Variants in AGAP1 observed in about 807,000 individuals in gnomAD.
The protein encoded by AGAP1 is arf-GAP with GTPase, ANK repeat and PH domain-containing protein 1.
A neutral mutation model predicts 105.3 loss-of-function variants in AGAP1; 29 were observed. The observed-to-expected ratio is 0.28, with a 90% confidence interval of 0.21 to 0.38. AGAP1 has a LOEUF of 0.38. AGAP1 is among the 10% of genes least tolerant of loss of function. The pLI is 1.00. For missense variants in AGAP1, 998 were observed against 1,165.1 expected (o/e 0.86, Z 2.09); for synonymous variants, 509 against 485.9 (o/e 1.05, Z -0.63).
chr2:235,757,887 C>T (rs965228461), intron 6 of AGAP1, among the ~76,000 whole-genome samples: 12 of 152,152 alleles, frequency 7.9e-5, no homozygotes, highest in African/African-American at 1.2e-4. Context: ...CCTAATTGCA[C>T]GCACTAGAGC....
In AGAP1 at chr2:235,535,645, C is replaced by T. The variant is rs747762822; in HGVS notation, c.163+40796C>T. On this transcript the variant is annotated intron_variant, in intron 1 of 17. Coordinates refer to ENST00000304032, the MANE Select transcript of AGAP1 (RefSeq NM_001037131.3). The surrounding 1 kb of genome is among the most constrained non-coding windows in gnomAD (Gnocchi z 5.1). Reference sequence around the variant, plus strand: ...GGGGCTGTGCCAGGCACCCGCGTCGCGCTCCAGCTCCAGCCCTTTAATGCT... The same window carrying T: ...GGGGCTGTGCCAGGCACCCGCGTCGTGCTCCAGCTCCAGCCCTTTAATGCT... Among the ~76,000 whole-genome samples, 203 of 152,238 alleles carry T rather than the reference C, an allele frequency of 1.3e-3. No individual in the cohort carries two copies. Among genetic ancestry groups the T allele is most frequent in the Middle Eastern group, 3.4e-3 (1 of 294 alleles).
At chr2:235,641,377 G>T (rs143447774) in intron 1 of AGAP1, among the ~76,000 whole-genome samples, 1 of 141,366 alleles carries the variant, frequency 7.1e-6, no homozygotes, top group African/African-American at 2.6e-5. Context: ...TAAGTGTCCT[G>T]GTTGTGTTAG....
Position 235,621,881 on chromosome 2 carries a change from C to G in AGAP1, c.164-87298C>G, listed in dbSNP as rs1001973735. 2.7e-5 allele frequency among the ~76,000 whole-genome samples: 4 copies of G among 148,284 alleles called. No individual in the cohort carries two copies. Among genetic ancestry groups the G allele is most frequent in the Admixed American group, 2.1e-4 (3 of 14,610 alleles). ...GGTAGGAGTGGAGGAGGGGTGCGAT[C>G]GGAAGGGAGTGCCGCGCAGACCCCC... On this transcript the variant is annotated intron_variant, in intron 1 of 17. Coordinates refer to ENST00000304032, the MANE Select transcript of AGAP1 (RefSeq NM_001037131.3). This position sits in a 1 kb window ranked among gnomAD's most constrained non-coding sequence, Gnocchi z 4.1.
At position 235,662,824 on chromosome 2, in the gene AGAP1, G is replaced by T. The variant is rs1173503461; in HGVS notation, c.164-46355G>T. On this transcript the variant is annotated intron_variant, in intron 1 of 17. Transcript: ENST00000304032. This position sits in a 1 kb window ranked among gnomAD's most constrained non-coding sequence, Gnocchi z 4.2. ...CTGCAAGAACCCCTCACCCTGCTCA[G>T]TGCTCCTGGCCACTGCTGACTGGTG... 6.6e-6 allele frequency among the ~76,000 whole-genome samples: 1 copy of T among 152,212 alleles called. No individual in the cohort carries two copies. The highest frequency in any genetic ancestry group is 1.5e-5 in the Non-Finnish European group (1 of 68,034).
At chr2:235,795,672 A>T (rs992540615) in intron 6 of AGAP1, among the ~76,000 whole-genome samples, 9 of 152,076 alleles carry the variant, frequency 5.9e-5, no homozygotes, top group Non-Finnish European at 1.0e-4. Flanking sequence ...ATGAAAAAAA[A>T]ATAGTAGAGT....
At position 236,120,055 on chromosome 2, in the gene AGAP1, G is replaced by A. The variant is rs1346196901; in HGVS notation, c.2115-137G>A. The A allele has an allele frequency of 4.0e-6, 5 of 1,239,924 alleles. No homozygotes were observed. The highest frequency in any genetic ancestry group is 4.9e-5 in the East Asian group (2 of 41,090). 76.8% of individuals were successfully genotyped at this position (1,239,924 alleles called of 1,614,324 possible). ...GGTGGATAAACGTTTCCCCCAGGGG[G>A]CTTTGTGCCGAGTGAAGACCTTTGC... On this transcript the variant is annotated intron_variant, in intron 16 of 17. Coordinates refer to ENST00000304032, the MANE Select transcript of AGAP1 (RefSeq NM_001037131.3). The surrounding 1 kb of genome is among the most constrained non-coding windows in gnomAD (Gnocchi z 6.0).
At chr2:235,678,274 ACT>A (rs1948866667) in intron 1 of AGAP1, among the ~76,000 whole-genome samples, 1 of 152,096 alleles carries the variant, frequency 6.6e-6, no homozygotes, top group Admixed American at 6.6e-5. Context: ...GTTCATGAAC[ACT>A]CTGGAAGCCA....
chr2:235,834,600 G>GT (rs1959893287), intron 9 of AGAP1, among the ~76,000 whole-genome samples: 1 of 152,132 alleles, frequency 6.6e-6, no homozygotes, highest in Non-Finnish European at 1.5e-5. Context: ...TGGAATGTCA[G>GT]TTTTTTGGGT....
At position 235,882,545 on chromosome 2, in the gene AGAP1, A is replaced by G. The variant is rs1050772057; in HGVS notation, c.1051-800A>G. On this transcript the variant is annotated intron_variant, in intron 9 of 17. Transcript: ENST00000304032. This position sits in a 1 kb window ranked among gnomAD's most constrained non-coding sequence, Gnocchi z 4.6. Reference sequence around the variant, plus strand: ...TGGCGGGCTCTTAGCTCACTGCAACACTCTGCCTCCTGGGTTCAAGCAATT... The same window carrying G: ...TGGCGGGCTCTTAGCTCACTGCAACGCTCTGCCTCCTGGGTTCAAGCAATT... 3 of 928,806 alleles carry G rather than the reference A, an allele frequency of 3.2e-6. No individual in the cohort carries two copies. The highest frequency in any genetic ancestry group is 4.4e-5 in the Admixed American group (2 of 45,862). The allele number at this position is 928,806 out of a possible 1,614,324, so 57.5% of individuals were successfully genotyped here.
intron 16 of AGAP1, among the ~76,000 whole-genome samples, chr2:236,068,836 T>C (rs2058421275): frequency 1.5e-5 from 2 of 129,438 alleles, no homozygotes; most frequent in African/African-American, 5.9e-5. Context: ...TCCTAAAAAC[T>C]GAAGGATGTA....
intron 6 of AGAP1, among the ~76,000 whole-genome samples, chr2:235,772,911 G>A (rs1401894330): frequency 6.6e-6 from 1 of 152,172 alleles, no homozygotes; most frequent in African/African-American, 2.4e-5. Context: ...GGCTCTGTTT[G>A]ATTTTGTTGG....
intron 13 of AGAP1, among the ~76,000 whole-genome samples, chr2:235,991,543 C>T (rs376364882): frequency 1.3e-5 from 2 of 152,124 alleles, no homozygotes; most frequent in East Asian, 3.9e-4. Flanking sequence ...GACCCCACCT[C>T]TTAAAAAAGG....
chr2:235,783,830 T>G (rs1344630170), intron 6 of AGAP1, among the ~76,000 whole-genome samples: 1 of 152,106 alleles, frequency 6.6e-6, no homozygotes, highest in African/African-American at 2.4e-5. Context: ...CCGGTACAAC[T>G]AAGATGTTTT....
At chr2:236,074,244 C>G (rs1226941255) in intron 16 of AGAP1, among the ~76,000 whole-genome samples, 1 of 152,192 alleles carries the variant, frequency 6.6e-6, no homozygotes, top group African/African-American at 2.4e-5. Context: ...TCAGTACCCT[C>G]TGCAAGGGAG....
chr2:236,061,369 A>G lies in AGAP1; in HGVS notation c.2114+12088A>G, dbSNP rs1047935725. On this transcript the variant is annotated intron_variant, in intron 16 of 17. Coordinates refer to ENST00000304032, the MANE Select transcript of AGAP1 (RefSeq NM_001037131.3). The surrounding 1 kb of genome is among the most constrained non-coding windows in gnomAD (Gnocchi z 4.1). Reference sequence around the variant, plus strand: ...CCCAGGTCTATACCTAAGATAAATGAAAACACTTGTCCACACAAAAATGTA... The same window carrying G: ...CCCAGGTCTATACCTAAGATAAATGGAAACACTTGTCCACACAAAAATGTA... Among the ~76,000 whole-genome samples, 2 of 152,192 alleles carry G rather than the reference A, an allele frequency of 1.3e-5. No homozygotes were observed. The highest frequency in any genetic ancestry group is 3.9e-4 in the East Asian group (2 of 5,188).
rs1010878982 is a variant in AGAP1 at position 235,936,990 on chromosome 2, ATTGT to A, written c.1483+6072_1483+6075del. ...AGTACTAAAACATTGTATCATAAAA[ATTGT>A]TTGTCTTTTGATAGCGCTTGCTTTT... is the stretch of plus-strand genomic sequence containing the variant. On this transcript the variant is annotated intron_variant, in intron 12 of 17. Coordinates refer to ENST00000304032, the MANE Select transcript of AGAP1 (RefSeq NM_001037131.3). This position sits in a 1 kb window ranked among gnomAD's most constrained non-coding sequence, Gnocchi z 4.7. Among the ~76,000 whole-genome samples the A allele has an allele frequency of 5.9e-5, 9 of 152,178 alleles. No homozygotes were observed. The highest frequency in any genetic ancestry group is 2.1e-4 in the South Asian group (1 of 4,826).
At chr2:235,863,245 A>G (rs2049010566) in intron 9 of AGAP1, among the ~76,000 whole-genome samples, 1 of 152,262 alleles carries the variant, frequency 6.6e-6, no homozygotes. Context: ...AGCCCTGTCA[A>G]ATGGAAACAC....
rs1457909710 is a variant in AGAP1, at chr2:235,887,409, G to A, written c.1155+3960G>A. The stretch of plus-strand genomic sequence containing the variant: ...AACCTGCCTCCTTTTCTCTCCTCTG[G>A]GATTCAGGCCCATGTCCAGCCTCTG... On this transcript the variant is annotated intron_variant, in intron 10 of 17. Transcript: ENST00000304032. The surrounding 1 kb of genome is among the most constrained non-coding windows in gnomAD (Gnocchi z 4.1). Among the ~76,000 whole-genome samples, 1 of 152,082 alleles carries A rather than the reference G, an allele frequency of 6.6e-6. No individual in the cohort carries two copies. Among genetic ancestry groups the A allele is most frequent in the Non-Finnish European group, 1.5e-5 (1 of 68,020 alleles).
intron 2 of AGAP1, 41 bp downstream of exon 2, chr2:235,709,278 G>A: frequency 6.2e-7 from 1 of 1,601,456 alleles, no homozygotes; most frequent in East Asian, 2.2e-5. Context: ...TGGGAAGGGA[G>A]GGGCTCTGTG....
Sources: allele counts gnomAD v4.1 joint callset (sites outside exome capture counted in the v4.1 genomes callset), GRCh38; gene constraint gnomAD v4.1.1; non-coding constraint Gnocchi (gnomAD v3.1); transcripts MANE v1.5; gene names NCBI Gene and HGNC (gene_info 2026-07-23, HGNC 2026-07-21).